The following ARHGAP28 variants were observed in gnomAD, a reference collection of about 807,000 sequenced individuals.
ARHGAP28 encodes rho GTPase-activating protein 28.
A neutral mutation model predicts 90.7 loss-of-function variants in ARHGAP28; 56 were observed. The ratio of observed to expected loss-of-function variants is 0.62; its 90% CI spans 0.50 to 0.77. The LOEUF (loss-of-function observed/expected upper bound fraction) is 0.77, where lower values mean the gene tolerates loss of function less well. Ranked by LOEUF, ARHGAP28 falls within the 30% of genes least tolerant of loss-of-function variation. The probability of loss-of-function intolerance (pLI) is 0.00; values close to 1 mark genes in which losing one functional copy is unlikely to be tolerated. For missense variants in ARHGAP28, 869 were observed against 900.9 expected, an observed-to-expected ratio of 0.96 and a Z score of 0.45; for synonymous variants, 308 against 323.3, an observed-to-expected ratio of 0.95 and a Z score of 0.51.
rs186859827 is a variant in ARHGAP28 at position 6,836,817 on chromosome 18, G to T, written c.326-380G>T. Among the ~76,000 whole-genome samples, 14 of 152,290 alleles carry T rather than the reference G, an allele frequency of 9.2e-5. No homozygotes were observed. In the East Asian group the frequency reaches 1.9e-3, roughly 21 times the overall value. ...CTGGTGAATGGTGGCCCTGGCATTT[G>T]AACCTCCATGTGAGTGATTGAAAAA... On this transcript the variant is annotated intron_variant, in intron 2 of 17. Coordinates refer to ENST00000383472, the MANE Select transcript of ARHGAP28 (RefSeq NM_001366230.1).
intron 1 of ARHGAP28, among the ~76,000 whole-genome samples, chr18:6,817,284 A>C (rs956295131): frequency 6.6e-6 from 1 of 151,892 alleles, no homozygotes; most frequent in African/African-American, 2.4e-5. Flanking sequence ...ATGCCACTGC[A>C]CTCCAGCCTG....
intron 2 of ARHGAP28, among the ~76,000 whole-genome samples, chr18:6,833,996 T>C (rs2056734127): frequency 6.6e-6 from 1 of 152,052 alleles, no homozygotes; most frequent in Non-Finnish European, 1.5e-5. Flanking sequence ...TGAAAGCTGT[T>C]TTTAACTAAC....
In ARHGAP28 at chr18:6,892,895, T is replaced by C. The variant is rs112315764; in HGVS notation, c.1849-1940T>C. ...CAGCCAAGCAGTTTCTAATTCTGCCTGAGTCCTCACTTCCTGCTTGCACAG... is the reference window on the plus strand; with the variant it reads ...CAGCCAAGCAGTTTCTAATTCTGCCCGAGTCCTCACTTCCTGCTTGCACAG... On this transcript the variant is annotated intron_variant, in intron 14 of 17. Transcript: ENST00000383472. 6.6e-5 allele frequency among the ~76,000 whole-genome samples: 10 copies of C among 152,376 alleles called. No homozygotes were observed. The South Asian group carries it at 2.1e-3, about 32-fold the overall frequency.
Position 6,895,937 on chromosome 18 carries a change from A to G in ARHGAP28, c.1906-565A>G, listed in dbSNP as rs2057301695. ...ATCACCATCCTTTGAGAAGGTACAG[A>G]TTTAAAACAATTAAGAAACACTATC... is the stretch of plus-strand genomic sequence containing the variant. On this transcript the variant is annotated intron_variant, in intron 15 of 17. Coordinates refer to ENST00000383472, the MANE Select transcript of ARHGAP28 (RefSeq NM_001366230.1). Among the ~76,000 whole-genome samples the G allele has an allele frequency of 2.0e-5, 3 of 152,188 alleles. No homozygotes were observed. In the South Asian group the frequency reaches 6.2e-4, roughly 31 times the overall value.
intron 1 of ARHGAP28, among the ~76,000 whole-genome samples, chr18:6,794,930 G>A (rs1379082804): frequency 6.6e-6 from 1 of 152,060 alleles, no homozygotes; most frequent in Non-Finnish European, 1.5e-5. Flanking sequence ...TGCTCCACCC[G>A]CCTGGGCCTC....
intron 1 of ARHGAP28, among the ~76,000 whole-genome samples, chr18:6,813,288 T>G (rs2056569030): frequency 6.6e-6 from 1 of 152,218 alleles, no homozygotes. Context: ...CATTCATGTT[T>G]AATAGTGAAT....
chr18:6,855,933 G>A (rs113996466), intron 4 of ARHGAP28, among the ~76,000 whole-genome samples: 5,472 of 152,306 alleles, frequency 0.036, 314 homozygotes, highest in African/African-American at 0.12. Flanking sequence ...TGGACCCTGC[G>A]CTTGCTCACA....
intron 4 of ARHGAP28, among the ~76,000 whole-genome samples, chr18:6,856,247 T>C (rs1184548207): frequency 2.0e-5 from 3 of 152,208 alleles, no homozygotes; most frequent in African/African-American, 7.2e-5. Context: ...ATTGTATTTT[T>C]ATTTAGCTTG....
intron 1 of ARHGAP28, among the ~76,000 whole-genome samples, chr18:6,786,332 G>A (rs371218219): frequency 6.6e-6 from 1 of 151,802 alleles, no homozygotes; most frequent in African/African-American, 2.4e-5. Flanking sequence ...TATACTTAAA[G>A]AAAAAATTAA....
intron 4 of ARHGAP28, among the ~76,000 whole-genome samples, chr18:6,852,683 C>T (rs1448390450): frequency 6.6e-6 from 1 of 152,164 alleles, no homozygotes; most frequent in African/African-American, 2.4e-5. Context: ...CGCCTTAGCA[C>T]GTGGACCTAA....
At chr18:6,823,956 G>A (rs2056643373) in intron 1 of ARHGAP28, among the ~76,000 whole-genome samples, 1 of 152,028 alleles carries the variant, frequency 6.6e-6, no homozygotes, top group Non-Finnish European at 1.5e-5. Context: ...ATAGAAAGCT[G>A]CCCCATTTTA....
intron 1 of ARHGAP28, among the ~76,000 whole-genome samples, chr18:6,762,024 C>T (rs1239312942): frequency 2.6e-5 from 4 of 152,186 alleles, no homozygotes; most frequent in Admixed American, 1.3e-4. Context: ...CATCTCTGCT[C>T]ACCATTATTT....
chr18:6,764,797 A>T (rs533666338), intron 1 of ARHGAP28, among the ~76,000 whole-genome samples: 10 of 152,254 alleles, frequency 6.6e-5, no homozygotes, highest in African/African-American at 2.4e-4. Flanking sequence ...TGCATGTTAT[A>T]CTCTGACCTT....
intron 1 of ARHGAP28, among the ~76,000 whole-genome samples, chr18:6,757,021 C>T (rs767929347): frequency 5.3e-5 from 8 of 152,144 alleles, no homozygotes; most frequent in Non-Finnish European, 7.3e-5. Context: ...CCCTCACAGA[C>T]GCACCAGGAA....
chr18:6,819,805 C>G (rs950473946), intron 1 of ARHGAP28, among the ~76,000 whole-genome samples: 3 of 152,242 alleles, frequency 2.0e-5, no homozygotes, highest in African/African-American at 7.2e-5. Flanking sequence ...ACAGATCTCC[C>G]CCTTGAAGCA....
At chr18:6,756,881 C>G (rs2056114779) in intron 1 of ARHGAP28, among the ~76,000 whole-genome samples, 1 of 152,202 alleles carries the variant, frequency 6.6e-6, no homozygotes, top group Non-Finnish European at 1.5e-5. Context: ...TGCAAGTCCA[C>G]TGCTCCCACC....
chr18:6,763,637 C>A (rs761418987), intron 1 of ARHGAP28, among the ~76,000 whole-genome samples: 2 of 152,194 alleles, frequency 1.3e-5, no homozygotes, highest in African/African-American at 4.8e-5. Context: ...ACAAAGCCTA[C>A]GTCTGGAATT....
intron 1 of ARHGAP28, among the ~76,000 whole-genome samples, chr18:6,763,764 T>C (rs1037970185): frequency 2.0e-5 from 3 of 152,026 alleles, no homozygotes; most frequent in African/African-American, 7.2e-5. Context: ...GCCTGGCCCA[T>C]AGATGGGGAA....
rs752874742 is a variant in ARHGAP28, at chr18:6,859,872, T to C, written c.701T>C (p.Phe234Ser). 1.3e-5 allele frequency: 21 copies of C among 1,614,104 alleles called. 1 individual carries two copies. Among genetic ancestry groups the C allele is most frequent in the Middle Eastern group, 1.6e-4 (1 of 6,084 alleles). The change falls in exon 5 of 18, where the codon TTT (phenylalanine) becomes TCT (serine). Residue 234 changes from phenylalanine (F) to serine (S), a missense_variant. By Grantham distance (155) the Phe-to-Ser change is radical. Transcript: ENST00000383472. ...SDASQDKEGS[F>S]AVPRSDSVAI... Reference sequence around the variant, plus strand: ...GCATCCCAGGATAAAGAAGGGAGTTTTGCGGTTCCCAGGAGTGACTCTGTG... The same window carrying C: ...GCATCCCAGGATAAAGAAGGGAGTTCTGCGGTTCCCAGGAGTGACTCTGTG...
Sources: allele counts gnomAD v4.1 joint callset (sites outside exome capture counted in the v4.1 genomes callset), GRCh38; gene constraint gnomAD v4.1.1; transcripts MANE v1.5; gene names NCBI Gene and HGNC (gene_info 2026-07-23, HGNC 2026-07-21).